Variants in ABCA1 observed in about 807,000 individuals in gnomAD.
ABCA1 encodes the protein phospholipid-transporting ATPase ABCA1.
ABCA1 carries 133 observed loss-of-function variants against 262.5 expected under a neutral mutation model. The observed-to-expected ratio is 0.51, with a 90% CI of 0.44 to 0.59. ABCA1 has a LOEUF of 0.59. ABCA1 is among the 20% of genes least tolerant of loss of function. ABCA1 has a pLI of 0.00. For synonymous variants in ABCA1, 1,022 were observed against 1,043.5 expected (o/e 0.98, Z 0.40); for missense variants, 2,452 against 2,777.5 (o/e 0.88, Z 2.63).
At chr9:104,831,923 C>T (rs914574350) in intron 12 of ABCA1, 96 bp from the exon 13 acceptor site, 20 of 1,078,556 alleles carry the variant, frequency 1.9e-5, no homozygotes, top group South Asian at 1.0e-4. Context: ...GCTGACTACA[C>T]GATTGCTCAT....
intron 1 of ABCA1, among the ~76,000 whole-genome samples, chr9:104,907,879 A>G (rs1841267811): frequency 6.6e-6 from 1 of 152,224 alleles, no homozygotes; most frequent in South Asian, 2.1e-4. Flanking sequence ...ACTCCTTGCC[A>G]AAATGTGACA....
At chr9:104,888,185 A>C (rs1839377444) in intron 3 of ABCA1, among the ~76,000 whole-genome samples, 1 of 152,074 alleles carries the variant, frequency 6.6e-6, no homozygotes, top group Non-Finnish European at 1.5e-5. Context: ...CAAGAAACAC[A>C]ATTAAAAGGT....
intron 2 of ABCA1, among the ~76,000 whole-genome samples, chr9:104,901,783 G>T (rs980558685): frequency 6.6e-6 from 1 of 152,138 alleles, no homozygotes; most frequent in Non-Finnish European, 1.5e-5. Flanking sequence ...CCTTGTTAGT[G>T]GTGTGGACCT....
At chr9:104,860,948 G>A (rs914169581) in intron 6 of ABCA1, among the ~76,000 whole-genome samples, 1 of 151,948 alleles carries the variant, frequency 6.6e-6, no homozygotes, top group Non-Finnish European at 1.5e-5. Context: ...GTAGAGACAG[G>A]CTTTGCCATG....
chr9:104,855,164 G>C (rs1835730720), intron 7 of ABCA1: 9 of 984,962 alleles, frequency 9.1e-6, no homozygotes, highest in Non-Finnish European at 1.1e-5. Context: ...CTTGGTATGA[G>C]TTCTAACACT....
chr9:104,817,374 C>T lies in ABCA1; in HGVS notation c.3493G>A (p.Ala1165Thr). The change falls in exon 24 of 50, where the codon GCT becomes ACT. Residue 1165 changes from alanine to threonine, a missense_variant. By Grantham distance (58) the Ala-to-Thr change is moderately conservative. This residue lies in a region of ABCA1 where 665 missense variants were observed against 727.3 expected (regional missense o/e 0.91). Transcript: ENST00000374736. This position sits in a 1 kb window ranked among gnomAD's most constrained non-coding sequence, Gnocchi z 4.7. Reference protein sequence around the residue: ...EDSVSQSSSDAGLGSDHESDT... With the variant: ...EDSVSQSSSDTGLGSDHESDT... ...CTCTCATGGTCGCTGCCCAGGCCAG[C>T]ATCAGAACTGCTCTGAGAAACACTG... 1 of 1,614,224 alleles carries T rather than the reference C, an allele frequency of 6.2e-7. No homozygotes were observed. The highest frequency in any genetic ancestry group is 8.5e-7 in the Non-Finnish European group (1 of 1,180,044).
intron 1 of ABCA1, among the ~76,000 whole-genome samples, chr9:104,927,226 A>G (rs533487504): frequency 6.0e-5 from 9 of 150,100 alleles, no homozygotes; most frequent in Admixed American, 4.6e-4. Flanking sequence ...AAAAAGAAAA[A>G]GAAAAGGAAA....
chr9:104,813,672 C>A (rs955877050), intron 27 of ABCA1, among the ~76,000 whole-genome samples: 1 of 152,240 alleles, frequency 6.6e-6, no homozygotes, highest in Non-Finnish European at 1.5e-5. Context: ...CTCAGCCTCT[C>A]AAAGCGCTGG....
intron 1 of ABCA1, among the ~76,000 whole-genome samples, chr9:104,916,107 A>C (rs962199663): frequency 6.6e-6 from 1 of 152,198 alleles, no homozygotes; most frequent in Non-Finnish European, 1.5e-5. Flanking sequence ...ATCCTGCAAC[A>C]AGACTGACAA....
In ABCA1 at chr9:104,824,571, G is replaced by A. The variant is rs780209447; in HGVS notation, c.2550C>T (p.Tyr850=). The change falls in exon 18 of 50, where the codon TAC becomes TAT. Residue 850 remains tyrosine, a synonymous_variant. Transcript: ENST00000374736. ...WYIEAVFPGQ[Y]GIPRPWYFPC... is the part of the protein sequence containing the mutation. ...GAAAATACCAGGGCCTGGGAATTCC[G>A]TACTGGCCTGAAAGCAAAGCACAGG... 48 of 1,613,446 alleles carry A rather than the reference G, an allele frequency of 3.0e-5. No homozygotes were observed. Among genetic ancestry groups the A allele is most frequent in the Middle Eastern group, 3.5e-4 (2 of 5,638 alleles).
At chr9:104,814,301 C>A (rs1182263488) in intron 26 of ABCA1, 70 bp from the exon 27 acceptor site, 30 of 1,567,962 alleles carry the variant, frequency 1.9e-5, no homozygotes, top group Non-Finnish European at 8.8e-7. Flanking sequence ...CCATCTGCAA[C>A]AAACCTACAC....
At chr9:104,831,364 C>A (rs1329367379) in intron 13 of ABCA1, among the ~76,000 whole-genome samples, 2 of 151,826 alleles carry the variant, frequency 1.3e-5, no homozygotes, top group Non-Finnish European at 2.9e-5. Flanking sequence ...ATTACAGGTG[C>A]CTGCCACCAA....
At position 104,784,236 on chromosome 9, in the gene ABCA1, T is replaced by G; in HGVS notation, c.*79A>C. The G allele has an allele frequency of 6.3e-7, 1 of 1,588,766 alleles. No individual in the cohort carries two copies. Among genetic ancestry groups the G allele is most frequent in the Non-Finnish European group, 8.6e-7 (1 of 1,159,504 alleles). On this transcript the variant is annotated 3_prime_UTR_variant, in exon 50 of 50. Transcript: ENST00000374736. The stretch of plus-strand genomic sequence containing the variant: ...CTTCCCACATCAACTTCTGGCTCTT[T>G]TCTCCACAACACTTCACATGGTGCA...
chr9:104,798,357 C>G (rs554031355), intron 37 of ABCA1, 64 bp downstream of exon 37: 4 of 1,569,234 alleles, frequency 2.5e-6, no homozygotes, highest in African/African-American at 2.7e-5. Flanking sequence ...CTCTTTCTTT[C>G]TTATCCATAT....
intron 29 of ABCA1, 86 bp downstream of exon 29, chr9:104,810,713 AT>A (rs1831203565): frequency 6.2e-7 from 1 of 1,601,628 alleles, no homozygotes; most frequent in African/African-American, 1.3e-5. Context: ...CCACCGTGTA[AT>A]TCTGAAGTCC....
chr9:104,919,936 T>C (rs531704176), intron 1 of ABCA1, among the ~76,000 whole-genome samples: 1 of 152,342 alleles, frequency 6.6e-6, no homozygotes, highest in African/African-American at 2.4e-5. Context: ...TGGTTATTTT[T>C]TCTTTACCTC....
intron 1 of ABCA1, among the ~76,000 whole-genome samples, chr9:104,922,303 T>C (rs780245491): frequency 6.6e-6 from 1 of 152,206 alleles, no homozygotes; most frequent in Non-Finnish European, 1.5e-5. Context: ...GCAACTATTT[T>C]CAGGTGAAGA....
intron 6 of ABCA1, among the ~76,000 whole-genome samples, chr9:104,858,983 T>A (rs1836095123): frequency 6.6e-6 from 1 of 152,208 alleles, no homozygotes; most frequent in African/African-American, 2.4e-5. Context: ...CAACTCGTTT[T>A]CTTAAGAGTG....
At chr9:104,843,234 A>G (rs1834544995) in intron 8 of ABCA1, among the ~76,000 whole-genome samples, 1 of 152,212 alleles carries the variant, frequency 6.6e-6, no homozygotes, top group Admixed American at 6.5e-5. Flanking sequence ...AAAGCAGAGA[A>G]GTTAGCGTGT....
Sources: gnomAD v4.1 joint callset for allele counts (sites outside exome capture counted in the v4.1 genomes callset) on GRCh38, gnomAD v4.1.1 for gene constraint, gnomAD v4.1.1 regional missense constraint, Gnocchi (gnomAD v3.1) non-coding constraint, MANE v1.5 for transcripts, NCBI Gene and HGNC (gene_info 2026-07-23, HGNC 2026-07-21) for gene names.